MGAT5: variants seen among roughly 807,000 people sequenced by gnomAD.
MGAT5 encodes alpha-1,6-mannosylglycoprotein 6-beta-N-acetylglucosaminyltransferase.
Under a neutral mutation model 94.3 loss-of-function variants are expected in MGAT5, and 30 were observed. That is an observed-to-expected ratio of 0.32 (90% confidence interval 0.24 to 0.43). The LOEUF (loss-of-function observed/expected upper bound fraction) is 0.43, where lower values mean the gene tolerates loss of function less well. Among genes scored for constraint, MGAT5 ranks in the 20% least tolerant of loss-of-function variants. The probability of loss-of-function intolerance (pLI) is 1.00; values close to 1 mark genes in which losing one functional copy is unlikely to be tolerated. For missense variants in MGAT5, 691 were observed against 905.5 expected (o/e 0.76, Z 3.04); for synonymous variants, 310 against 322.9 (o/e 0.96, Z 0.43).
At chr2:134,368,302 C>T (rs1185506451) in intron 10 of MGAT5, among the ~76,000 whole-genome samples, 1 of 152,216 alleles carries the variant, frequency 6.6e-6, no homozygotes, top group Non-Finnish European at 1.5e-5. Context: ...GCCAAGTCAG[C>T]GACAGCCTTG....
At chr2:134,227,865 G>A (rs965352549) in intron 1 of MGAT5, among the ~76,000 whole-genome samples, 11 of 152,158 alleles carry the variant, frequency 7.2e-5, no homozygotes, top group African/African-American at 2.7e-4. Context: ...CTCTGGGGCA[G>A]AACAGGTGGA....
chr2:134,130,024 C>T (rs1179076168), intron 1 of MGAT5, among the ~76,000 whole-genome samples: 2 of 152,202 alleles, frequency 1.3e-5, no homozygotes, highest in South Asian at 4.1e-4. Flanking sequence ...GCGGGCCCCG[C>T]ACTCGGAGCG....
At chr2:134,235,790 T>C (rs548348955) in intron 1 of MGAT5, among the ~76,000 whole-genome samples, 9 of 151,410 alleles carry the variant, frequency 5.9e-5, no homozygotes, top group Admixed American at 5.9e-4. Context: ...AATCTAGTGG[T>C]CATGAGAGGC....
chr2:134,238,628 TA>T (rs1239747065), intron 1 of MGAT5, among the ~76,000 whole-genome samples: 4 of 152,224 alleles, frequency 2.6e-5, no homozygotes, highest in Non-Finnish European at 4.4e-5. Flanking sequence ...TTCTGAGATA[TA>T]TAAGGCTGTT....
At chr2:134,142,051 C>T (rs2104959556) in intron 1 of MGAT5, among the ~76,000 whole-genome samples, 1 of 152,200 alleles carries the variant, frequency 6.6e-6, no homozygotes, top group East Asian at 1.9e-4. Context: ...AGCAGGGGAA[C>T]TTGAAGTGGA....
At chr2:134,206,185 G>GAATTACT (rs1326920746) in intron 1 of MGAT5, among the ~76,000 whole-genome samples, 1 of 152,234 alleles carries the variant, frequency 6.6e-6, no homozygotes, top group East Asian at 1.9e-4. Flanking sequence ...GCTTTGCTTT[G>GAATTACT]AATTACTATA....
chr2:134,384,844 A>G (rs1177119821), intron 10 of MGAT5, among the ~76,000 whole-genome samples: 1 of 152,256 alleles, frequency 6.6e-6, no homozygotes, highest in Non-Finnish European at 1.5e-5. Context: ...AAAGCTAAAA[A>G]GCAAATACTA....
chr2:134,391,751 C>T (rs1360382043), intron 10 of MGAT5, among the ~76,000 whole-genome samples: 1 of 152,146 alleles, frequency 6.6e-6, no homozygotes, highest in African/African-American at 2.4e-5. Flanking sequence ...GTGGGATGGA[C>T]AAGAAAGACT....
In MGAT5 at chr2:134,341,709, C is replaced by T. The variant is rs201895701; in HGVS notation, c.927C>T (p.Tyr309=). The T allele has an allele frequency of 1.3e-4, 211 of 1,613,116 alleles. 1 individual carries two copies. The highest frequency in any genetic ancestry group is 1.0e-5 in the Non-Finnish European group (12 of 1,179,468). Residue 309 remains tyrosine, a synonymous_variant, in exon 7 of 16, where the codon TAC becomes TAT. Coordinates refer to ENST00000281923, the MANE Select transcript of MGAT5 (RefSeq NM_002410.5). ...VQWSDLITSL[Y]LLGHDIRISA... is the part of the protein sequence containing the mutation. ...GGAGTGATTTAATTACATCTCTGTA[C>T]TTACTGGGCCATGACATTAGGATTT...
intron 2 of MGAT5, among the ~76,000 whole-genome samples, chr2:134,284,486 C>G (rs934308370): frequency 2.6e-5 from 4 of 152,036 alleles, no homozygotes; most frequent in African/African-American, 4.8e-5. Context: ...TTGCCAACCC[C>G]TGGCCTAAAT....
chr2:134,447,424 C>A (rs1273688622), intron 15 of MGAT5, among the ~76,000 whole-genome samples: 1 of 152,234 alleles, frequency 6.6e-6, no homozygotes, highest in East Asian at 1.9e-4. Flanking sequence ...GACTCTGTCA[C>A]ATGCTGTAGA....
intron 2 of MGAT5, among the ~76,000 whole-genome samples, chr2:134,284,724 A>G (rs929099610): frequency 3.9e-5 from 6 of 152,212 alleles, no homozygotes; most frequent in African/African-American, 1.4e-4. Flanking sequence ...AGGGTAGGAT[A>G]TGATGTGTAA....
At chr2:134,302,238 C>T (rs1382610280) in intron 2 of MGAT5, among the ~76,000 whole-genome samples, 5 of 152,106 alleles carry the variant, frequency 3.3e-5, no homozygotes, top group African/African-American at 1.2e-4. Flanking sequence ...TTTAGTTTGC[C>T]ATCCCTTGTT....
intron 7 of MGAT5, among the ~76,000 whole-genome samples, chr2:134,344,463 A>G (rs923822167): frequency 2.6e-5 from 4 of 152,012 alleles, no homozygotes; most frequent in African/African-American, 9.7e-5. Flanking sequence ...AGCGGTAAGA[A>G]CAGGCTCTGG....
chr2:134,417,671 C>G (rs530461316), intron 12 of MGAT5, among the ~76,000 whole-genome samples: 2 of 151,878 alleles, frequency 1.3e-5, no homozygotes, highest in African/African-American at 4.8e-5. Flanking sequence ...ACTGATTGAC[C>G]CCAGGTTTCT....
chr2:134,372,739 G>A (rs1029360461), intron 10 of MGAT5, among the ~76,000 whole-genome samples: 3 of 152,214 alleles, frequency 2.0e-5, no homozygotes, highest in African/African-American at 7.2e-5. Flanking sequence ...TGGTGCCCCC[G>A]CATGAAAACC....
intron 1 of MGAT5, among the ~76,000 whole-genome samples, chr2:134,148,957 G>C (rs567835944): frequency 6.6e-6 from 1 of 152,000 alleles, no homozygotes; most frequent in South Asian, 2.1e-4. Context: ...TAGAGGCTTG[G>C]TTTCGCCATG....
chr2:134,338,275 A>C lies in MGAT5; in HGVS notation c.662A>C (p.Asp221Ala), dbSNP rs751795862. 1.2e-5 allele frequency: 19 copies of C among 1,596,586 alleles called. No individual in the cohort carries two copies. In the East Asian group the frequency reaches 1.6e-4, roughly 13 times the overall value. The change falls in exon 6 of 16, where the codon GAT (aspartate) becomes GCT (alanine). Residue 221 changes from aspartate to alanine, a missense_variant. Coordinates refer to ENST00000281923, the MANE Select transcript of MGAT5 (RefSeq NM_002410.5). ...DHNSLAEIRT[D>A]FNILYSMMKK... ...TGTTGCTAGGCGGAAATTCGTACAG[A>C]TTTTAATATTCTCTACAGTATGATG...
intron 1 of MGAT5, among the ~76,000 whole-genome samples, chr2:134,261,110 G>C (rs181168183): frequency 2.6e-5 from 4 of 152,034 alleles, no homozygotes; most frequent in Admixed American, 2.0e-4. Context: ...AGAATAAGGG[G>C]CTCATTCTTC....
Sources: allele counts gnomAD v4.1 joint callset (sites outside exome capture counted in the v4.1 genomes callset), GRCh38; gene constraint gnomAD v4.1.1; transcripts MANE v1.5; gene names NCBI Gene and HGNC (gene_info 2026-07-23, HGNC 2026-07-21).